Variants in GPATCH2L observed in about 807,000 individuals in gnomAD.
GPATCH2L encodes the protein G-patch domain containing 2 like.
GPATCH2L carries 31 observed loss-of-function variants against 57.4 expected under a neutral mutation model. The observed-to-expected ratio is 0.54, with a 90% confidence interval of 0.41 to 0.73. The LOEUF (loss-of-function observed/expected upper bound fraction) is 0.73, where lower values mean the gene tolerates loss of function less well. Ranked by LOEUF, GPATCH2L falls within the 30% of genes least tolerant of loss-of-function variation. GPATCH2L has a pLI of 0.00. For synonymous variants in GPATCH2L, 199 were observed against 210.7 expected (o/e 0.94, Z 0.48); for missense variants, 481 against 599.9 (o/e 0.80, Z 2.07).
intron 1 of GPATCH2L, among the ~76,000 whole-genome samples, chr14:76,224,072 A>G (rs2040526570): frequency 6.6e-6 from 1 of 152,214 alleles, no homozygotes; most frequent in African/African-American, 2.4e-5. Context: ...AGACTGAAGT[A>G]CTGATTCATG....
intron 8 of GPATCH2L, among the ~76,000 whole-genome samples, chr14:76,189,416 T>G (rs1466083626): frequency 1.3e-5 from 2 of 152,042 alleles, no homozygotes; most frequent in Non-Finnish European, 2.9e-5. Context: ...ATAGAGATCT[T>G]TTATTTCTGT....
rs2040416157 is a variant in GPATCH2L at position 76,209,452 on chromosome 14, C to G, written c.*7601C>G. 1 of 152,216 alleles carries G rather than the reference C, an allele frequency of 6.6e-6. No homozygotes were observed. The highest frequency in any genetic ancestry group is 2.1e-4 in the South Asian group (1 of 4,824). The allele number at this position is 152,216 out of a possible 1,614,324, so 9.4% of individuals were successfully genotyped here. ...AAGCCCAGTGAGGTAGGAGGAATTG[C>G]TAATTAGATTAGTGAGATTCTAAGG... On this transcript the variant is annotated 3_prime_UTR_variant, in exon 10 of 10. Coordinates refer to ENST00000261530, the MANE Select transcript of GPATCH2L (RefSeq NM_017926.4).
intron 1 of GPATCH2L, chr14:76,152,405 T>G (rs537110203): frequency 1.5e-4 from 39 of 265,746 alleles, no homozygotes; most frequent in Non-Finnish European, 2.6e-4. Context: ...TTTGGCAGTT[T>G]CTGCCCTAGA....
intron 2 of GPATCH2L, among the ~76,000 whole-genome samples, chr14:76,157,767 G>A (rs1292982288): frequency 2.0e-5 from 3 of 151,724 alleles, no homozygotes; most frequent in East Asian, 1.9e-4. Context: ...CACTCTTTGC[G>A]ACCTAAACAT....
At chr14:76,191,257 G>A (rs912504986) in intron 8 of GPATCH2L, among the ~76,000 whole-genome samples, 3 of 152,124 alleles carry the variant, frequency 2.0e-5, no homozygotes, top group African/African-American at 7.2e-5. Context: ...AAGGAGTCAA[G>A]TGGTTGTTAA....
chr14:76,164,877 C>T (rs2038757753), intron 2 of GPATCH2L, among the ~76,000 whole-genome samples: 3 of 152,156 alleles, frequency 2.0e-5, no homozygotes. Flanking sequence ...AAAGTAGATG[C>T]CATGTCCAAT....
Position 76,206,560 on chromosome 14 carries a change from C to T in GPATCH2L, c.*4709C>T, listed in dbSNP as rs1015691909. 6.6e-6 allele frequency: 1 copy of T among 152,242 alleles called. No homozygotes were observed. The highest frequency in any genetic ancestry group is 2.4e-5 in the African/African-American group (1 of 41,428). The allele number at this position is 152,242 out of a possible 1,614,324, so 9.4% of individuals were successfully genotyped here. On this transcript the variant is annotated 3_prime_UTR_variant, in exon 10 of 10. Transcript: ENST00000261530. Reference sequence around the variant, plus strand: ...GAATGGGGCATGTCATGAAGACATTCAGCAAAGAAGCAATCTTGGCAAGGT... The same window carrying T: ...GAATGGGGCATGTCATGAAGACATTTAGCAAAGAAGCAATCTTGGCAAGGT...
intron 8 of GPATCH2L, among the ~76,000 whole-genome samples, chr14:76,181,227 G>C (rs2039549445): frequency 6.6e-6 from 1 of 152,158 alleles, no homozygotes; most frequent in Non-Finnish European, 1.5e-5. Context: ...TCCCTCTGTG[G>C]GAGAGAGATC....
rs111470628 is a variant in GPATCH2L at position 76,177,333 on chromosome 14, G to A, written c.1052+643G>A. Reference sequence around the variant, plus strand: ...AGTGTTGGGATTACAGGTGTGAGCCGCTGCGCCCAACCTGTGAAATATCTT... The same window carrying A: ...AGTGTTGGGATTACAGGTGTGAGCCACTGCGCCCAACCTGTGAAATATCTT... On this transcript the variant is annotated intron_variant, in intron 6 of 9. Transcript: ENST00000261530. Among the ~76,000 whole-genome samples, 520 of 152,174 alleles carry A rather than the reference G, an allele frequency of 3.4e-3. 4 individuals are homozygous for A. The highest frequency in any genetic ancestry group is 0.012 in the African/African-American group (481 of 41,526).
Position 76,233,192 on chromosome 14 carries a change from G to T in GPATCH2L, c.*117+3239G>T, listed in dbSNP as rs188236837. ...TTGGGAGTGGAATTATTGGAGCGAAGGATATAAATATTTTAAAGATTGTTG... is the reference window on the plus strand; with the variant it reads ...TTGGGAGTGGAATTATTGGAGCGAATGATATAAATATTTTAAAGATTGTTG... On this transcript the variant is annotated intron_variant and NMD_transcript_variant, in intron 2 of 3. Coordinates refer to the GPATCH2L transcript ENST00000556372. 4.7e-4 allele frequency among the ~76,000 whole-genome samples: 71 copies of T among 152,264 alleles called. 2 individuals are homozygous for T. In the South Asian group the frequency reaches 9.9e-3, roughly 21 times the overall value.
rs144811383 is a variant in GPATCH2L at position 76,185,596 on chromosome 14, T to C, written c.1193+4747T>C. ...AGTTTTCTCCAACTCAAAGGAAAGG[T>C]CAACTTTTAGTGACCTTTCCTTTAT... On this transcript the variant is annotated intron_variant, in intron 8 of 9. Coordinates refer to ENST00000261530, the MANE Select transcript of GPATCH2L (RefSeq NM_017926.4). Among the ~76,000 whole-genome samples the C allele has an allele frequency of 2.8e-4, 42 of 152,258 alleles. No homozygotes were observed. In the South Asian group the frequency reaches 2.9e-3, roughly 11 times the overall value.
rs2040450771 is a variant in GPATCH2L at position 76,212,356 on chromosome 14, G to A, written c.*10505G>A. 2 of 151,420 alleles carry A rather than the reference G, an allele frequency of 1.3e-5. No individual in the cohort carries two copies. Among genetic ancestry groups the A allele is most frequent in the Admixed American group, 1.3e-4 (2 of 15,206 alleles). 9.4% of individuals were successfully genotyped at this position (151,420 alleles called of 1,614,324 possible). ...GCAAACACAAACAAGAAAATGAGTT[G>A]TAGTCTGCATATCAGGCAAGGTTGA... On this transcript the variant is annotated 3_prime_UTR_variant, in exon 10 of 10. Coordinates refer to ENST00000261530, the MANE Select transcript of GPATCH2L (RefSeq NM_017926.4).
intron 6 of GPATCH2L, 163 bp from the exon 7 acceptor site, chr14:76,177,825 C>A: frequency 1.1e-6 from 1 of 925,178 alleles, no homozygotes; most frequent in Non-Finnish European, 1.7e-6. Flanking sequence ...ATCTTCTTCT[C>A]CCTTCTGTAA....
rs78248589 is a variant in GPATCH2L, at chr14:76,196,437, G to GTTTTTTTTTTTTTTTTT, written c.1288+469_1288+485dup. The GTTTTTTTTTTTTTTTTT allele has an allele frequency of 2.3e-5, 3 of 128,992 alleles. 1 individual carries two copies. The highest frequency in any genetic ancestry group is 3.1e-5 in the African/African-American group (1 of 31,760). 8.0% of individuals were successfully genotyped at this position (128,992 alleles called of 1,614,324 possible). ...CAATTTTTTAGGCTAAAACTTTTCA[G>GTTTTTTTTTTTTTTTTT]TTTTTTTTTTTTTTTTTTTTAACAA... On this transcript the variant is annotated intron_variant, in intron 9 of 9. Coordinates refer to ENST00000261530, the MANE Select transcript of GPATCH2L (RefSeq NM_017926.4).
At chr14:76,188,826 T>C (rs79275641) in intron 8 of GPATCH2L, among the ~76,000 whole-genome samples, 33,883 of 151,900 alleles carry the variant, frequency 0.22, 4,415 homozygotes, top group African/African-American at 0.37. Flanking sequence ...TATAGTAGTT[T>C]CATAGTTTGA....
chr14:76,217,390 G>T (rs940842248), downstream of GPATCH2L, among the ~76,000 whole-genome samples: 12 of 152,078 alleles, frequency 7.9e-5, no homozygotes, highest in African/African-American at 2.9e-4. Flanking sequence ...ACTGAACTCA[G>T]CTGGGGCACC....
chr14:76,194,484 AGTGTGT>A (rs59406744), intron 8 of GPATCH2L, among the ~76,000 whole-genome samples: 1 of 151,060 alleles, frequency 6.6e-6, no homozygotes, highest in Non-Finnish European at 1.5e-5. Context: ...GAGACATGAA[AGTGTGT>A]GTGTGTGTGT....
rs2040349379 is a variant in GPATCH2L at position 76,204,188 on chromosome 14, T to C, written c.*2337T>C. 1 of 152,192 alleles carries C rather than the reference T, an allele frequency of 6.6e-6. No individual in the cohort carries two copies. Among genetic ancestry groups the C allele is most frequent in the African/African-American group, 2.4e-5 (1 of 41,438 alleles). The allele number at this position is 152,192 out of a possible 1,614,324, so 9.4% of individuals were successfully genotyped here. A position where few individuals can be genotyped will look rare whatever the true frequency, so the allele number is the denominator to read the frequency against. On this transcript the variant is annotated 3_prime_UTR_variant, in exon 10 of 10. Coordinates refer to ENST00000261530, the MANE Select transcript of GPATCH2L (RefSeq NM_017926.4). ...TCTGCCCTGGGTTATAATCTCTTGT[T>C]TTTCAGTGATAGACCTGAGTCAGTC...
At position 76,195,959 on chromosome 14, in the gene GPATCH2L, T is replaced by C. The variant is rs201042908; in HGVS notation, c.1275T>C (p.Ser425=). The C allele has an allele frequency of 6.2e-7, 1 of 1,611,810 alleles. No individual in the cohort carries two copies. Residue 425 remains serine (S), a synonymous_variant, in exon 9 of 10, where the codon TCT becomes TCC. Coordinates refer to ENST00000261530, the MANE Select transcript of GPATCH2L (RefSeq NM_017926.4). ...KRKPVATASL[S]SPSAVHMDAV... is the part of the protein sequence containing the mutation. The stretch of plus-strand genomic sequence containing the variant: ...AACCAGTGGCCACAGCATCTTTGTC[T>C]AGCCCCAGTGCAGGTGATTACATGC...
Sources: allele counts gnomAD v4.1 joint callset (sites outside exome capture counted in the v4.1 genomes callset), GRCh38; gene constraint gnomAD v4.1.1; transcripts MANE v1.5; gene names NCBI Gene and HGNC (gene_info 2026-07-23, HGNC 2026-07-21).